ATAD2: variants seen among roughly 807,000 people sequenced by gnomAD.
ATAD2 encodes the protein ATPase family AAA domain-containing protein 2.
Under a neutral mutation model 168.9 loss-of-function variants are expected in ATAD2, and 62 were observed. The ratio of observed to expected loss-of-function variants is 0.37; its 90% confidence interval spans 0.30 to 0.45. The LOEUF is 0.45. ATAD2 is among the 20% of genes least tolerant of loss of function. The probability of loss-of-function intolerance (pLI) is 1.00; values close to 1 mark genes in which losing one functional copy is unlikely to be tolerated. For synonymous variants in ATAD2, 613 were observed against 571.6 expected (o/e 1.07, Z -1.03); for missense variants, 1,419 against 1,667.8 (o/e 0.85, Z 2.60).
intron 1 of ATAD2, among the ~76,000 whole-genome samples, chr8:123,405,448 G>A: frequency 6.6e-6 from 1 of 150,742 alleles, no homozygotes; most frequent in East Asian, 2.0e-4. Context: ...ATTTTTAGTA[G>A]AGATGGGGTT....
At chr8:123,327,139 C>T (rs564015788) in intron 25 of ATAD2, among the ~76,000 whole-genome samples, 1 of 152,054 alleles carries the variant, frequency 6.6e-6, no homozygotes, top group African/African-American at 2.4e-5. Context: ...GAACTCCTGA[C>T]CTCGTGATCC....
At chr8:123,371,025 GA>G in intron 5 of ATAD2, 35 bp from the exon 6 acceptor site, 1 of 1,448,402 alleles carries the variant, frequency 6.9e-7, no homozygotes, top group Non-Finnish European at 9.4e-7. Flanking sequence ...TTAACATTTG[GA>G]ATCTATTTAT....
chr8:123,342,857 CCAGA>C (rs959831039), intron 19 of ATAD2, among the ~76,000 whole-genome samples: 15 of 152,318 alleles, frequency 9.8e-5, no homozygotes, highest in African/African-American at 3.4e-4. Context: ...TTCCAACCTG[CCAGA>C]CACAGATCTG....
chr8:123,410,435 C>T (rs1176379640), intron 1 of ATAD2, among the ~76,000 whole-genome samples: 1 of 152,176 alleles, frequency 6.6e-6, no homozygotes, highest in Admixed American at 6.6e-5. Context: ...TACGGGCATG[C>T]GCCATCACAC....
chr8:123,361,563 C>T lies in ATAD2; in HGVS notation c.1133G>A (p.Arg378Lys), dbSNP rs1828825366. Residue 378 changes from arginine to lysine, a missense_variant, in exon 9 of 28, where the codon AGG becomes AAG. Transcript: ENST00000287394. ...CCTATTGATAGCCCTATTACGACTC[C>T]TTTTCCTCCGCCTCTCAAAGTGCTG... is the stretch of plus-strand genomic sequence containing the variant. ...DEQHFERRRK[R>K]SRNRAINRCL... The T allele has an allele frequency of 1.9e-6, 3 of 1,613,352 alleles. No homozygotes were observed. The African/African-American group carries it at 4.0e-5, about 22-fold the overall frequency.
chr8:123,413,348 G>A (rs1288279987), intron 1 of ATAD2, among the ~76,000 whole-genome samples: 1 of 151,574 alleles, frequency 6.6e-6, no homozygotes, highest in African/African-American at 2.4e-5. Flanking sequence ...AATAAAATCT[G>A]TTTTCATCGC....
At position 123,346,424 on chromosome 8, in the gene ATAD2, C is replaced by A. The variant is rs939403139; in HGVS notation, c.2346-152G>T. On this transcript the variant is annotated intron_variant, in intron 17 of 27. Coordinates refer to ENST00000287394, the MANE Select transcript of ATAD2 (RefSeq NM_014109.4). Reference sequence around the variant, plus strand: ...TTCACATAGTTTCTGGAAACTGACCCCCAAAGGTTTTTAGGAATATTTTTA... The same window carrying A: ...TTCACATAGTTTCTGGAAACTGACCACCAAAGGTTTTTAGGAATATTTTTA... 3 of 1,007,214 alleles carry A rather than the reference C, an allele frequency of 3.0e-6. No homozygotes were observed. In the African/African-American group the frequency reaches 5.0e-5, roughly 17 times the overall value. The allele number at this position is 1,007,214 out of a possible 1,614,324, so 62.4% of individuals were successfully genotyped here.
At chr8:123,411,830 GA>G (rs372616889) in intron 1 of ATAD2, among the ~76,000 whole-genome samples, 2,503 of 148,478 alleles carry the variant, frequency 0.017, 70 homozygotes, top group African/African-American at 0.056. Context: ...TTTAGAAACA[GA>G]AAAAAAAAAG....
chr8:123,337,955 C>T, intron 20 of ATAD2, 134 bp from the exon 21 acceptor site: 1 of 840,612 alleles, frequency 1.2e-6, no homozygotes, highest in Non-Finnish European at 1.8e-6. Context: ...ATTTGAAATA[C>T]AAAAGTATTA....
chr8:123,403,280 C>T (rs1048478304), intron 1 of ATAD2, among the ~76,000 whole-genome samples: 4 of 151,766 alleles, frequency 2.6e-5, no homozygotes, highest in African/African-American at 7.3e-5. Flanking sequence ...TTGTATTTTT[C>T]GTGGAGACGG....
At chr8:123,343,502 C>T (rs1828130964) in intron 19 of ATAD2, among the ~76,000 whole-genome samples, 2 of 152,192 alleles carry the variant, frequency 1.3e-5, no homozygotes, top group South Asian at 4.1e-4. Flanking sequence ...TAGAACCACA[C>T]CTGGGAGAAA....
At chr8:123,322,698 T>A (rs559581623) in intron 27 of ATAD2, among the ~76,000 whole-genome samples, 35 of 152,210 alleles carry the variant, frequency 2.3e-4, no homozygotes, top group African/African-American at 6.0e-4. Context: ...ACAAACAAAC[T>A]AATTAAGTTA....
chr8:123,343,484 C>T (rs1458309939), intron 19 of ATAD2, among the ~76,000 whole-genome samples: 2 of 152,138 alleles, frequency 1.3e-5, no homozygotes, highest in African/African-American at 4.8e-5. Context: ...TGTTATATCT[C>T]CAGTGCCTAG....
At chr8:123,388,850 T>C (rs1306010571) in intron 1 of ATAD2, among the ~76,000 whole-genome samples, 2 of 151,910 alleles carry the variant, frequency 1.3e-5, no homozygotes, top group African/African-American at 2.4e-5. Flanking sequence ...TTTCTTAAAA[T>C]GCTTCGGTCC....
At chr8:123,390,414 C>T (rs1829796955) in intron 1 of ATAD2, among the ~76,000 whole-genome samples, 1 of 152,120 alleles carries the variant, frequency 6.6e-6, no homozygotes, top group African/African-American at 2.4e-5. Context: ...AACCTCTAAA[C>T]CTAAAATCAA....
At chr8:123,337,490 A>G in intron 21 of ATAD2, 135 bp downstream of exon 21, 2 of 785,416 alleles carry the variant, frequency 2.5e-6, no homozygotes, top group Admixed American at 3.7e-5. Context: ...TGCTTAGGAC[A>G]CTAACCCGGT....
intron 1 of ATAD2, among the ~76,000 whole-genome samples, chr8:123,408,200 A>C (rs929593576): frequency 6.6e-6 from 1 of 152,196 alleles, no homozygotes; most frequent in Non-Finnish European, 1.5e-5. Context: ...TAGCTATTCT[A>C]TTCCATGTTT....
At chr8:123,356,527 C>T (rs776352309) in intron 12 of ATAD2, 50 bp from the exon 13 acceptor site, 52 of 1,304,908 alleles carry the variant, frequency 4.0e-5, no homozygotes, top group African/African-American at 1.0e-4. Flanking sequence ...GCCTCAAACA[C>T]GTAGACTTAA....
upstream of ATAD2, chr8:123,401,371 G>T: frequency 7.1e-7 from 1 of 1,405,674 alleles, no homozygotes; most frequent in African/African-American, 1.4e-5. Context: ...CACCCAGGCG[G>T]GTGTCGACGT....
Sources: allele counts gnomAD v4.1 joint callset (sites outside exome capture counted in the v4.1 genomes callset), GRCh38; gene constraint gnomAD v4.1.1; transcripts MANE v1.5; gene names NCBI Gene and HGNC (gene_info 2026-07-23, HGNC 2026-07-21).